The following TMEM116 variants were observed in gnomAD, a reference collection of about 807,000 sequenced individuals.
TMEM116 encodes transmembrane protein 116.
In TMEM116, 38 loss-of-function variants were observed where a neutral mutation model predicts 44.3. The ratio of observed to expected loss-of-function variants is 0.86; its 90% CI spans 0.66 to 1.12. TMEM116 has a LOEUF of 1.12. TMEM116 is among the 50% of genes most tolerant of loss of function. The pLI is 0.00. For synonymous variants in TMEM116, 132 were observed against 144.8 expected (o/e 0.91, Z 0.64); for missense variants, 354 against 401.7 (o/e 0.88, Z 1.01).
chr12:111,993,447 G>C, intron 3 of TMEM116: 1 of 562,646 alleles, frequency 1.8e-6, no homozygotes, highest in South Asian at 1.4e-5. Flanking sequence ...CATACTCCCA[G>C]AGCATGTTAT....
intron 3 of TMEM116, among the ~76,000 whole-genome samples, chr12:111,999,084 T>C (rs1358185668): frequency 6.6e-6 from 1 of 152,070 alleles, no homozygotes; most frequent in Non-Finnish European, 1.5e-5. Context: ...AAATGTATAA[T>C]ATAGGTCATG....
At chr12:112,003,640 G>A (rs2077407499) in intron 3 of TMEM116, 160 bp downstream of exon 3, 4 of 827,716 alleles carry the variant, frequency 4.8e-6, no homozygotes, top group Non-Finnish European at 6.9e-6. Context: ...GAAGAAAAGG[G>A]AGCCCTACTG....
chr12:111,992,836 A>G (rs930498279), intron 3 of TMEM116, among the ~76,000 whole-genome samples: 2 of 152,002 alleles, frequency 1.3e-5, no homozygotes, highest in Admixed American at 1.3e-4. Context: ...TTATTGAGGG[A>G]CTCCTAAAGA....
At chr12:111,989,251 A>T (rs1196962655) in intron 4 of TMEM116, among the ~76,000 whole-genome samples, 1 of 152,178 alleles carries the variant, frequency 6.6e-6, no homozygotes, top group Non-Finnish European at 1.5e-5. Context: ...TACCTCAGTC[A>T]TGATGCTGCT....
chr12:111,989,533 T>G (rs2076420999), intron 4 of TMEM116, among the ~76,000 whole-genome samples: 1 of 152,250 alleles, frequency 6.6e-6, no homozygotes, highest in African/African-American at 2.4e-5. Flanking sequence ...ATTTACATTC[T>G]AAACCTAATC....
rs2071656928 is a variant in TMEM116 at position 111,931,723 on chromosome 12, G to A, written c.912C>T (p.Thr304=). 1 of 1,613,444 alleles carries A rather than the reference G, an allele frequency of 6.2e-7. No homozygotes were observed. The stretch of plus-strand genomic sequence containing the variant: ...TCTGTGAGCATAATAATGGTGTCTG[G>A]GTATCTGCATCACGCCGAGCCTCCT... ...LKQEARRDAD[T]QTPLLCSQKR... Residue 304 remains threonine (T), a synonymous_variant, in exon 11 of 11, where the codon ACC becomes ACT. Coordinates refer to ENST00000552374, the MANE Select transcript of TMEM116 (RefSeq NM_001193531.2).
Position 111,931,421 on chromosome 12 carries a change from G to A in TMEM116, c.*200C>T. 1.7e-6 allele frequency: 1 copy of A among 593,066 alleles called. No homozygotes were observed. The highest frequency in any genetic ancestry group is 2.9e-5 in the East Asian group (1 of 34,280). The allele number at this position is 593,066 out of a possible 1,614,324, so 36.7% of individuals were successfully genotyped here. On this transcript the variant is annotated 3_prime_UTR_variant, in exon 11 of 11. Transcript: ENST00000552374. ...TCCTCTCCCTGAATAGAGACTTTAA[G>A]GATCACTAGTGAATCTGGGAATAAC...
chr12:111,951,472 A>T (rs2073725000), intron 4 of TMEM116, among the ~76,000 whole-genome samples: 1 of 152,256 alleles, frequency 6.6e-6, no homozygotes, highest in Non-Finnish European at 1.5e-5. Context: ...TATATCATGG[A>T]ATACCATACA....
At chr12:111,960,978 A>G (rs1408131722) in intron 4 of TMEM116, among the ~76,000 whole-genome samples, 1 of 152,200 alleles carries the variant, frequency 6.6e-6, no homozygotes, top group African/African-American at 2.4e-5. Context: ...ACAGTAAAAA[A>G]TGATAAAGGG....
chr12:111,948,367 G>C (rs1347847576), intron 4 of TMEM116, among the ~76,000 whole-genome samples: 1 of 152,146 alleles, frequency 6.6e-6, no homozygotes, highest in Non-Finnish European at 1.5e-5. Context: ...AGAGGGTTGG[G>C]CATTCTAAAC....
rs536241690 is a variant in TMEM116, at chr12:111,973,005, G to A, written c.210+18753C>T. On this transcript the variant is annotated intron_variant, in intron 4 of 10. Transcript: ENST00000552374. ...ATACAAAAATTAGCCAGGCGTGGTG[G>A]CACGCTCCTGTAGTCCCAGCTACTC... Among the ~76,000 whole-genome samples the A allele has an allele frequency of 7.2e-5, 11 of 152,244 alleles. No homozygotes were observed. In the South Asian group the frequency reaches 2.3e-3, roughly 32 times the overall value.
intron 1 of TMEM116, among the ~76,000 whole-genome samples, chr12:112,007,558 A>C (rs2136747942): frequency 6.6e-6 from 1 of 152,354 alleles, no homozygotes; most frequent in African/African-American, 2.4e-5. Context: ...TAAATAAATA[A>C]AAATACCAGG....
chr12:111,966,552 A>T (rs1274447662), intron 4 of TMEM116, among the ~76,000 whole-genome samples: 5 of 152,304 alleles, frequency 3.3e-5, no homozygotes, highest in Non-Finnish European at 7.4e-5. Context: ...ATTTGGAACT[A>T]CTCAGTTTTT....
At chr12:111,971,509 A>C (rs1193880966) in intron 4 of TMEM116, among the ~76,000 whole-genome samples, 3 of 152,056 alleles carry the variant, frequency 2.0e-5, no homozygotes, top group African/African-American at 4.8e-5. Context: ...AAAAAAAAAA[A>C]AACTAAAAAA....
At chr12:111,962,541 C>A (rs2074670495) in intron 4 of TMEM116, among the ~76,000 whole-genome samples, 1 of 152,076 alleles carries the variant, frequency 6.6e-6, no homozygotes, top group Non-Finnish European at 1.5e-5. Context: ...CTTTGACAAA[C>A]CTGACAAAAA....
chr12:112,010,559 C>T (rs1335146510), intron 1 of TMEM116: 3 of 152,212 alleles, frequency 2.0e-5, no homozygotes, highest in Non-Finnish European at 4.4e-5. Flanking sequence ...GAGGATGGCT[C>T]CTCTCTGCAA....
At chr12:111,964,136 TAAAAA>T (rs556004160) in intron 4 of TMEM116, among the ~76,000 whole-genome samples, 1 of 131,826 alleles carries the variant, frequency 7.6e-6, no homozygotes. Context: ...AATTTCAGGT[TAAAAA>T]AAAAAAAAAA....
At chr12:111,985,427 C>A (rs2076172872) in intron 4 of TMEM116, among the ~76,000 whole-genome samples, 1 of 152,018 alleles carries the variant, frequency 6.6e-6, no homozygotes, top group African/African-American at 2.4e-5. Flanking sequence ...AAAATAATTC[C>A]ATTTACAATA....
chr12:111,995,512 C>T (rs2076884481), intron 3 of TMEM116, among the ~76,000 whole-genome samples: 1 of 152,032 alleles, frequency 6.6e-6, no homozygotes, highest in African/African-American at 2.4e-5. Flanking sequence ...GGGAGGTGGG[C>T]AGATCACCTG....
Sources: gnomAD v4.1 joint callset for allele counts (sites outside exome capture counted in the v4.1 genomes callset) on GRCh38, gnomAD v4.1.1 for gene constraint, MANE v1.5 for transcripts, NCBI Gene and HGNC (gene_info 2026-07-23, HGNC 2026-07-21) for gene names.